The following ATP13A4 variants were observed in gnomAD, a reference collection of about 807,000 sequenced individuals.
ATP13A4 encodes probable cation-transporting ATPase 13A4.
Under a neutral mutation model 142.5 loss-of-function variants are expected in ATP13A4, and 114 were observed. The ratio of observed to expected loss-of-function variants is 0.80; its 90% CI spans 0.69 to 0.93. ATP13A4 has a LOEUF of 0.93. Among genes scored for constraint, ATP13A4 ranks in the 40% least tolerant of loss-of-function variants. The pLI is 0.00. For missense variants in ATP13A4, 1,392 were observed against 1,454.0 expected, an observed-to-expected ratio of 0.96 and a Z score of 0.69; for synonymous variants, 488 against 514.8, an observed-to-expected ratio of 0.95 and a Z score of 0.70.
chr3:193,457,060 G>A lies in ATP13A4; in HGVS notation c.1855C>T (p.Arg619Ter), dbSNP rs760795755. ...TVIVQEMGGDRLAFMKGAPER... is the reference protein window; with the variant it reads ...TVIVQEMGGD ...GGTGCACCTTTCATGAATGCCAGTC[G>A]GTCACCTCCCATCTCTTGGACAATG... is the stretch of plus-strand genomic sequence containing the variant. Residue 619 changes from arginine to a stop codon, truncating the protein, a stop_gained, in exon 16 of 30, where the codon CGA becomes TGA. Coordinates refer to ENST00000342695, the MANE Select transcript of ATP13A4 (RefSeq NM_032279.4). LOFTEE classifies it high-confidence loss of function. The A allele has an allele frequency of 7.4e-6, 12 of 1,613,960 alleles. No individual in the cohort carries two copies. The highest frequency in any genetic ancestry group is 4.0e-5 in the African/African-American group (3 of 74,916).
intron 2 of ATP13A4, among the ~76,000 whole-genome samples, chr3:193,576,833 A>G (rs181933668): frequency 5.9e-5 from 9 of 152,344 alleles, no homozygotes; most frequent in Admixed American, 3.9e-4. Flanking sequence ...GTCCATGAAG[A>G]TATCGGTGCC....
At chr3:193,584,725 C>T (rs1724635730) in intron 1 of ATP13A4, among the ~76,000 whole-genome samples, 1 of 152,064 alleles carries the variant, frequency 6.6e-6, no homozygotes, top group African/African-American at 2.4e-5. Context: ...TACTGGGCAG[C>T]TTCCATGGTT....
rs150823470 is a variant in ATP13A4 at position 193,432,690 on chromosome 3, C to A, written c.2842+1155G>T. ...TATATAACATTCTAGAAAAGCCAAA[C>A]AAACCTGCATGTTGTGCACATGTAC... is the stretch of plus-strand genomic sequence containing the variant. On this transcript the variant is annotated intron_variant, in intron 25 of 29. Transcript: ENST00000342695. Among the ~76,000 whole-genome samples, 502 of 152,022 alleles carry A rather than the reference C, an allele frequency of 3.3e-3. 1 individual carries two copies. The highest frequency in any genetic ancestry group is 0.012 in the African/African-American group (487 of 41,498).
At chr3:193,548,555 T>C (rs1723353806) in intron 1 of ATP13A4, among the ~76,000 whole-genome samples, 1 of 152,188 alleles carries the variant, frequency 6.6e-6, no homozygotes, top group Admixed American at 6.5e-5. Flanking sequence ...CTGAACACAA[T>C]TCCCCCACTA....
At chr3:193,582,797 T>C (rs9855791) in intron 1 of ATP13A4, among the ~76,000 whole-genome samples, 1 of 37,110 alleles carries the variant, frequency 2.7e-5, no homozygotes. Context: ...TATATGTATA[T>C]TACATATATA....
chr3:193,504,551 T>C (rs939484217), intron 2 of ATP13A4, among the ~76,000 whole-genome samples: 25 of 152,214 alleles, frequency 1.6e-4, no homozygotes, highest in Admixed American at 1.5e-3. Context: ...AAAGACATAC[T>C]TGGTAACTAT....
At chr3:193,553,861 T>A (rs1723733301) in intron 1 of ATP13A4, 1 of 152,206 alleles carries the variant, frequency 6.6e-6, no homozygotes, top group Non-Finnish European at 1.5e-5. Flanking sequence ...TAAGTAAATA[T>A]CTTTCAGGTT....
intron 2 of ATP13A4, among the ~76,000 whole-genome samples, chr3:193,569,534 T>G (rs1465918078): frequency 8.4e-6 from 1 of 119,178 alleles, no homozygotes; most frequent in Non-Finnish European, 1.7e-5. Context: ...TGTTGTTGTT[T>G]TTGTTTTTGT....
At chr3:193,432,345 G>T (rs1716027889) in intron 25 of ATP13A4, among the ~76,000 whole-genome samples, 1 of 152,092 alleles carries the variant, frequency 6.6e-6, no homozygotes, top group Non-Finnish European at 1.5e-5. Flanking sequence ...TGGAAAGACA[G>T]TTTAGAGGTT....
chr3:193,451,785 T>C lies in ATP13A4; in HGVS notation c.2027+2316A>G, dbSNP rs115438811. Among the ~76,000 whole-genome samples, 1,408 of 152,252 alleles carry C rather than the reference T, an allele frequency of 9.2e-3. 25 individuals are homozygous for C. Among genetic ancestry groups the C allele is most frequent in the African/African-American group, 0.033 (1,359 of 41,524 alleles). On this transcript the variant is annotated intron_variant, in intron 17 of 29. Coordinates refer to ENST00000342695, the MANE Select transcript of ATP13A4 (RefSeq NM_032279.4). ...TATGATACCAATGCTGGAAGCACCC[T>C]GAGTAACCACACAGAAAAAAACCCC...
At chr3:193,432,593 C>T (rs1716039845) in intron 25 of ATP13A4, among the ~76,000 whole-genome samples, 1 of 152,042 alleles carries the variant, frequency 6.6e-6, no homozygotes, top group African/African-American at 2.4e-5. Flanking sequence ...TATGAAAAGA[C>T]ATAGTTGAAC....
intron 2 of ATP13A4, among the ~76,000 whole-genome samples, chr3:193,577,304 C>G (rs1273344914): frequency 6.6e-6 from 1 of 152,216 alleles, no homozygotes; most frequent in Non-Finnish European, 1.5e-5. Context: ...CACTACTTAT[C>G]CAGGCAAATG....
At chr3:193,473,248 A>C (rs928114389) in intron 8 of ATP13A4, among the ~76,000 whole-genome samples, 1 of 152,238 alleles carries the variant, frequency 6.6e-6, no homozygotes, top group Non-Finnish European at 1.5e-5. Flanking sequence ...CTAAATCTGT[A>C]ACAATTTGAA....
At chr3:193,465,344 C>T (rs755024576) in intron 11 of ATP13A4, among the ~76,000 whole-genome samples, 1 of 152,134 alleles carries the variant, frequency 6.6e-6, no homozygotes, top group Non-Finnish European at 1.5e-5. Context: ...CACGCCACCA[C>T]ACCTGGCTAA....
At chr3:193,529,470 A>G (rs771171245) in intron 1 of ATP13A4, among the ~76,000 whole-genome samples, 25 of 152,094 alleles carry the variant, frequency 1.6e-4, no homozygotes, top group Admixed American at 1.6e-3. Flanking sequence ...GGGGCAAAAT[A>G]TCAGACATCT....
chr3:193,479,612 T>C lies in ATP13A4; in HGVS notation c.808+4324A>G, dbSNP rs180965225. ...AAACTACAAAACACTGCTGAAAAATTATAAACGATACAAACAAATGGAAAT... is the reference window on the plus strand; with the variant it reads ...AAACTACAAAACACTGCTGAAAAATCATAAACGATACAAACAAATGGAAAT... On this transcript the variant is annotated intron_variant, in intron 8 of 29. Coordinates refer to ENST00000342695, the MANE Select transcript of ATP13A4 (RefSeq NM_032279.4). 9.2e-4 allele frequency among the ~76,000 whole-genome samples: 140 copies of C among 151,982 alleles called. 3 individuals carry two copies. Among genetic ancestry groups the C allele is most frequent in the South Asian group, 7.7e-3 (37 of 4,814 alleles).
intron 9 of ATP13A4, among the ~76,000 whole-genome samples, chr3:193,468,640 T>C (rs775774719): frequency 6.6e-5 from 10 of 152,040 alleles, no homozygotes; most frequent in Non-Finnish European, 1.3e-4. Context: ...CCAGCTACTC[T>C]GGAGGCTGAA....
At chr3:193,448,393 A>G (rs1717081396) in intron 17 of ATP13A4, 63 bp from the exon 18 acceptor site, 2 of 1,591,228 alleles carry the variant, frequency 1.3e-6, no homozygotes, top group Non-Finnish European at 1.7e-6. Flanking sequence ...TTTTTTTGAG[A>G]CGGAGTCTCG....
chr3:193,459,360 A>G (rs1717821476), intron 13 of ATP13A4, 129 bp from the exon 14 acceptor site: 2 of 1,145,212 alleles, frequency 1.7e-6, no homozygotes, highest in Non-Finnish European at 1.3e-6. Flanking sequence ...CCACTCTCCA[A>G]TCCTCCCACA....
Sources: allele counts gnomAD v4.1 joint callset (sites outside exome capture counted in the v4.1 genomes callset), GRCh38; gene constraint gnomAD v4.1.1; transcripts MANE v1.5; gene names NCBI Gene and HGNC (gene_info 2026-07-23, HGNC 2026-07-21).